The following FAM168A variants were observed in gnomAD, a reference collection of about 807,000 sequenced individuals.
FAM168A encodes the protein protein FAM168A.
A neutral mutation model predicts 28.5 loss-of-function variants in FAM168A; 3 were observed. The observed-to-expected ratio is 0.11, with a 90% CI of 0.05 to 0.27. The LOEUF (loss-of-function observed/expected upper bound fraction) is 0.27. Among genes scored for constraint, FAM168A ranks in the 10% least tolerant of loss-of-function variants. The pLI, the probability that FAM168A is intolerant of heterozygous loss-of-function variation, is 1.00. For missense variants in FAM168A, 222 were observed against 311.5 expected, an observed-to-expected ratio of 0.71 and a Z score of 2.16; for synonymous variants, 122 against 124.2, an observed-to-expected ratio of 0.98 and a Z score of 0.12.
At chr11:73,581,658 G>C (rs1435322305) in intron 1 of FAM168A, among the ~76,000 whole-genome samples, 2 of 152,080 alleles carry the variant, frequency 1.3e-5, no homozygotes, top group Non-Finnish European at 2.9e-5. Flanking sequence ...CCTAAAAAAA[G>C]GTTTGAATAC....
intron 1 of FAM168A, among the ~76,000 whole-genome samples, chr11:73,478,395 T>C (rs1415760259): frequency 6.6e-6 from 1 of 152,208 alleles, no homozygotes; most frequent in Non-Finnish European, 1.5e-5. Flanking sequence ...TCCATTTATA[T>C]GAAATGTTCA....
At chr11:73,573,579 A>G (rs376682102) in intron 1 of FAM168A, among the ~76,000 whole-genome samples, 6 of 152,230 alleles carry the variant, frequency 3.9e-5, no homozygotes, top group African/African-American at 1.2e-4. Context: ...AAGGACTACC[A>G]TAATAAAACT....
chr11:73,496,877 A>G (rs1461685115), intron 1 of FAM168A, among the ~76,000 whole-genome samples: 1 of 137,954 alleles, frequency 7.2e-6, no homozygotes, highest in East Asian at 2.0e-4. Context: ...TTCTTATCAC[A>G]CACACACACA....
chr11:73,460,792 C>T (rs192186374), intron 2 of FAM168A, among the ~76,000 whole-genome samples: 41 of 152,356 alleles, frequency 2.7e-4, no homozygotes, highest in Admixed American at 1.4e-3. Flanking sequence ...GCGTGAGCCA[C>T]TGTGCCCAGC....
intron 1 of FAM168A, among the ~76,000 whole-genome samples, chr11:73,543,042 C>T (rs2134679327): frequency 6.6e-6 from 1 of 152,206 alleles, no homozygotes; most frequent in South Asian, 2.1e-4. Flanking sequence ...GATCTCTACT[C>T]AAATTTCACC....
intron 4 of FAM168A, among the ~76,000 whole-genome samples, chr11:73,414,534 C>T (rs1866667255): frequency 6.6e-6 from 1 of 152,202 alleles, no homozygotes; most frequent in Non-Finnish European, 1.5e-5. Context: ...GACAGACTGA[C>T]TGCCTGGGTC....
chr11:73,577,867 G>A (rs932769240), intron 1 of FAM168A, among the ~76,000 whole-genome samples: 139 of 152,316 alleles, frequency 9.1e-4, no homozygotes, highest in African/African-American at 3.2e-3. Context: ...CTGGGCATGA[G>A]GGAGGGAAGG....
chr11:73,458,197 GA>G (rs1867575558), intron 2 of FAM168A, among the ~76,000 whole-genome samples: 1 of 152,186 alleles, frequency 6.6e-6, no homozygotes, highest in Non-Finnish European at 1.5e-5. Context: ...TTTTTGTAGA[GA>G]ACAGGAAGCC....
chr11:73,409,769 G>T (rs1374143231), intron 5 of FAM168A, 108 bp from the exon 6 acceptor site: 3 of 1,153,460 alleles, frequency 2.6e-6, no homozygotes, highest in Admixed American at 2.4e-5. Context: ...CTGGGGCTCT[G>T]CTTGTCTTAC....
At chr11:73,502,692 C>CA (rs1163330179) in intron 1 of FAM168A, among the ~76,000 whole-genome samples, 1 of 151,698 alleles carries the variant, frequency 6.6e-6, no homozygotes, top group African/African-American at 2.4e-5. Context: ...AGAGACACAA[C>CA]AAAAAAAAGA....
intron 1 of FAM168A, among the ~76,000 whole-genome samples, chr11:73,528,934 G>T (rs1183729399): frequency 1.3e-5 from 2 of 152,072 alleles, no homozygotes; most frequent in Non-Finnish European, 1.5e-5. Flanking sequence ...GCCAGAGCAA[G>T]AAAAGAGACG....
intron 2 of FAM168A, among the ~76,000 whole-genome samples, chr11:73,443,399 G>A (rs937335561): frequency 2.6e-5 from 4 of 152,136 alleles, no homozygotes; most frequent in African/African-American, 9.7e-5. Context: ...AGACAAGCAA[G>A]AACATAAGTA....
chr11:73,418,423 A>G (rs1866732111), intron 4 of FAM168A, among the ~76,000 whole-genome samples: 1 of 152,224 alleles, frequency 6.6e-6, no homozygotes, highest in South Asian at 2.1e-4. Context: ...AAGCTTCCTG[A>G]GGCCCTCACC....
chr11:73,569,857 T>TAAATAAATAAATAAATAAATAAAC (rs1210704680), intron 1 of FAM168A, among the ~76,000 whole-genome samples: 1 of 135,158 alleles, frequency 7.4e-6, no homozygotes, highest in Non-Finnish European at 1.5e-5. Context: ...AATAAATAAA[T>TAAATAAATAAATAAATAAATAAAC]AAACAAAATA....
chr11:73,468,372 T>A (rs752426516), intron 2 of FAM168A, 33 bp downstream of exon 2: 1 of 1,601,530 alleles, frequency 6.2e-7, no homozygotes, highest in Non-Finnish European at 8.5e-7. Flanking sequence ...AACCACCATT[T>A]CTCAAAATGA....
intron 1 of FAM168A, among the ~76,000 whole-genome samples, chr11:73,585,657 C>T (rs953261705): frequency 6.6e-6 from 1 of 152,102 alleles, no homozygotes; most frequent in African/African-American, 2.4e-5. Flanking sequence ...CACCTAAGGT[C>T]AGGAGTTTGA....
intron 1 of FAM168A, among the ~76,000 whole-genome samples, chr11:73,518,265 T>G (rs1485426019): frequency 6.6e-6 from 1 of 152,142 alleles, no homozygotes; most frequent in Non-Finnish European, 1.5e-5. Flanking sequence ...CAGATTGTAT[T>G]TTCCAAAGAT....
intron 1 of FAM168A, among the ~76,000 whole-genome samples, chr11:73,567,683 TAATG>T (rs1053395985): frequency 3.9e-5 from 6 of 152,356 alleles, no homozygotes; most frequent in Admixed American, 3.3e-4. Context: ...TTTCTAAAGA[TAATG>T]AATGAGATGC....
rs1345835048 is a variant in FAM168A at position 73,547,164 on chromosome 11, G to C, written c.-19+50759C>G. Among the ~76,000 whole-genome samples, 5 of 150,158 alleles carry C rather than the reference G, an allele frequency of 3.3e-5. 1 individual carries two copies. In the East Asian group the frequency reaches 9.7e-4, roughly 29 times the overall value. On this transcript the variant is annotated intron_variant, in intron 1 of 7. Coordinates refer to ENST00000356467, the MANE Select transcript of FAM168A (RefSeq NM_015159.3). ...GGAGGAGTAGGCAGAGGAAAAGGCG[G>C]GGGGGAGGAGGAGGAGGAGGAAGAA... is the stretch of plus-strand genomic sequence containing the variant.
Sources: allele counts gnomAD v4.1 joint callset (sites outside exome capture counted in the v4.1 genomes callset), GRCh38; gene constraint gnomAD v4.1.1; transcripts MANE v1.5; gene names NCBI Gene and HGNC (gene_info 2026-07-23, HGNC 2026-07-21).